MALRD1: variants seen among roughly 807,000 people sequenced by gnomAD.
MALRD1 encodes the protein MAM and LDL-receptor class A domain-containing protein 1.
In MALRD1, 247 loss-of-function variants were observed where a neutral mutation model predicts 242.1. The ratio of observed to expected loss-of-function variants is 1.02; its 90% confidence interval spans 0.92 to 1.13. The LOEUF is 1.13. MALRD1 is among the 50% of genes most tolerant of loss of function. The probability of loss-of-function intolerance (pLI) is 0.00; values close to 1 mark genes in which losing one functional copy is unlikely to be tolerated. For missense variants in MALRD1, 2,989 were observed against 2,533.1 expected (o/e 1.18, Z -3.86); for synonymous variants, 995 against 866.6 (o/e 1.15, Z -2.60).
chr10:19,264,761 T>C (rs775716641), intron 19 of MALRD1, among the ~76,000 whole-genome samples: 61 of 151,756 alleles, frequency 4.0e-4, no homozygotes, highest in African/African-American at 1.2e-3. Context: ...CCCAGGCTGA[T>C]CTTAAAAAAT....
rs146198294 is a variant in MALRD1, at chr10:19,352,995, A to G, written c.4441+698A>G. Reference sequence around the variant, plus strand: ...TTTCTTAGCCAGTGATATGATAGATACTACTTTTTTTTTCTTTTTTTCTTT... The same window carrying G: ...TTTCTTAGCCAGTGATATGATAGATGCTACTTTTTTTTTCTTTTTTTCTTT... On this transcript the variant is annotated intron_variant, in intron 26 of 39. Transcript: ENST00000454679. Among the ~76,000 whole-genome samples, 448 of 152,068 alleles carry G rather than the reference A, an allele frequency of 2.9e-3. 5 individuals are homozygous for G. The highest frequency in any genetic ancestry group is 4.6e-3 in the East Asian group (24 of 5,174).
intron 24 of MALRD1, among the ~76,000 whole-genome samples, chr10:19,341,308 A>AT (rs1843839974): frequency 6.6e-6 from 1 of 151,544 alleles, no homozygotes; most frequent in Non-Finnish European, 1.5e-5. Context: ...TATGTCTGGC[A>AT]TTTTTTCTAG....
At chr10:19,578,136 T>A (rs893912422) in intron 33 of MALRD1, among the ~76,000 whole-genome samples, 1 of 123,034 alleles carries the variant, frequency 8.1e-6, no homozygotes, top group South Asian at 2.4e-4. Flanking sequence ...AGTCTAAGTT[T>A]TAAGAAAAGA....
intron 34 of MALRD1, among the ~76,000 whole-genome samples, chr10:19,604,313 C>T (rs555821659): frequency 7.2e-5 from 11 of 152,198 alleles, no homozygotes; most frequent in African/African-American, 2.4e-4. Flanking sequence ...AGATTGATAC[C>T]ACTATTATTT....
chr10:19,162,080 C>A (rs1834454555), intron 12 of MALRD1, among the ~76,000 whole-genome samples: 1 of 151,856 alleles, frequency 6.6e-6, no homozygotes, highest in Non-Finnish European at 1.5e-5. Context: ...AAAACCATAA[C>A]TGAGGAAATG....
Position 19,257,780 on chromosome 10 carries a change from G to A in MALRD1, c.3079+9G>A, listed in dbSNP as rs982628979. ...CTGCACCCTCTACCCTGGTAAGAGA[G>A]AACATTTCAATTTGGGGTTATTTCT... On this transcript the variant is annotated intron_variant, in intron 19 of 39. Transcript: ENST00000454679. 15 of 1,474,716 alleles carry A rather than the reference G, an allele frequency of 1.0e-5. No homozygotes were observed. The highest frequency in any genetic ancestry group is 1.3e-5 in the Non-Finnish European group (14 of 1,103,198). The allele number at this position is 1,474,716 out of a possible 1,614,324, so 91.4% of individuals were successfully genotyped here.
chr10:19,220,980 A>G (rs1420494605), intron 18 of MALRD1, among the ~76,000 whole-genome samples: 1 of 152,224 alleles, frequency 6.6e-6, no homozygotes, highest in Non-Finnish European at 1.5e-5. Flanking sequence ...AATATTCTCC[A>G]GTAGATCTCT....
At chr10:19,590,682 T>A (rs759247395) in intron 33 of MALRD1, among the ~76,000 whole-genome samples, 1 of 152,158 alleles carries the variant, frequency 6.6e-6, no homozygotes, top group South Asian at 2.1e-4. Context: ...ATAGCAAAAT[T>A]AATACGTGTA....
rs149272094 is a variant in MALRD1 at position 19,576,015 on chromosome 10, T to G, written c.5680+8312T>G. Among the ~76,000 whole-genome samples the G allele has an allele frequency of 2.4e-3, 372 of 152,340 alleles. 2 individuals carry two copies. The highest frequency in any genetic ancestry group is 7.3e-3 in the African/African-American group (302 of 41,588). ...GTTATTGCAAGCAACAGAATTGCAG[T>G]TGGGCTAACTTAAGCAAAAAGTAAG... On this transcript the variant is annotated intron_variant, in intron 33 of 39. Transcript: ENST00000454679.
intron 20 of MALRD1, among the ~76,000 whole-genome samples, chr10:19,280,653 A>G (rs542085839): frequency 1.3e-5 from 2 of 152,232 alleles, no homozygotes; most frequent in African/African-American, 4.8e-5. Context: ...TAAAATATGC[A>G]GAGTTCATGA....
At chr10:19,143,759 T>G (rs1166114864) in intron 10 of MALRD1, among the ~76,000 whole-genome samples, 2 of 152,220 alleles carry the variant, frequency 1.3e-5, no homozygotes, top group Non-Finnish European at 2.9e-5. Flanking sequence ...AGGCCAAATA[T>G]GTACTTTGAG....
chr10:19,705,404 TA>T, intron 38 of MALRD1, among the ~76,000 whole-genome samples: 1 of 152,298 alleles, frequency 6.6e-6, no homozygotes, highest in East Asian at 1.9e-4. Flanking sequence ...GGTCATCTCA[TA>T]ATGCTGGCAA....
At chr10:19,429,721 T>G (rs1834045852) in intron 28 of MALRD1, among the ~76,000 whole-genome samples, 1 of 152,188 alleles carries the variant, frequency 6.6e-6, no homozygotes, top group Non-Finnish European at 1.5e-5. Context: ...TATCTTCATC[T>G]AATTTCTAGT....
intron 31 of MALRD1, among the ~76,000 whole-genome samples, chr10:19,519,374 A>C (rs1393787643): frequency 6.6e-6 from 1 of 152,182 alleles, no homozygotes; most frequent in African/African-American, 2.4e-5. Flanking sequence ...AGAATGACAA[A>C]CTATTAGTAT....
Position 19,203,802 on chromosome 10 carries a change from C to T in MALRD1, c.2026C>T (p.Arg676Trp), listed in dbSNP as rs183995463. The change falls in exon 15 of 40, where the codon CGG (arginine) becomes TGG (tryptophan). Residue 676 changes from arginine (R) to tryptophan (W), a missense_variant. Physicochemically the swap from Arg to Trp is moderately radical, Grantham distance 101. Transcript: ENST00000454679. ...TAGTGGTGACCATTTTGACTGGATA[C>T]GGAGCTCTCAGAGTGAACTTTCTGC... ...AISGDHFDWI[R>W]SSQSELSADF... 26 of 1,550,490 alleles carry T rather than the reference C, an allele frequency of 1.7e-5. No individual in the cohort carries two copies. In the East Asian group the frequency reaches 2.0e-4, roughly 12 times the overall value.
chr10:19,208,850 T>G (rs897069109), intron 17 of MALRD1, among the ~76,000 whole-genome samples: 2 of 152,204 alleles, frequency 1.3e-5, no homozygotes, highest in African/African-American at 4.8e-5. Flanking sequence ...TGGAGATGAA[T>G]TCTGGGCTTC....
At chr10:19,176,045 C>G (rs1019471626) in intron 14 of MALRD1, among the ~76,000 whole-genome samples, 5 of 152,130 alleles carry the variant, frequency 3.3e-5, no homozygotes, top group African/African-American at 1.2e-4. Flanking sequence ...ATGTTTCTCT[C>G]TGACCACTCC....
At chr10:19,404,516 A>C (rs958343886) in intron 28 of MALRD1, among the ~76,000 whole-genome samples, 4 of 152,068 alleles carry the variant, frequency 2.6e-5, no homozygotes, top group Admixed American at 2.6e-4. Context: ...AGCCACAAAT[A>C]TATGTGTTTT....
Position 19,692,566 on chromosome 10 carries a change from C to A in MALRD1, c.6314+12C>A. ...AAGGTACCAATAAGGTAAGTGATGC[C>A]TTTAGTTGCTAAATGAAATATACCG... On this transcript the variant is annotated intron_variant, in intron 38 of 39. Coordinates refer to ENST00000454679, the MANE Select transcript of MALRD1 (RefSeq NM_001142308.3). The A allele has an allele frequency of 6.6e-7, 1 of 1,520,550 alleles. No individual in the cohort carries two copies. Among genetic ancestry groups the A allele is most frequent in the Non-Finnish European group, 8.8e-7 (1 of 1,135,852 alleles). The allele number at this position is 1,520,550 out of a possible 1,614,324, so 94.2% of individuals were successfully genotyped here. A position where few individuals can be genotyped will look rare whatever the true frequency, so the allele number is the denominator to read the frequency against.
Sources: gnomAD v4.1 joint callset for allele counts (sites outside exome capture counted in the v4.1 genomes callset) on GRCh38, gnomAD v4.1.1 for gene constraint, MANE v1.5 for transcripts, NCBI Gene and HGNC (gene_info 2026-07-23, HGNC 2026-07-21) for gene names.